The following PDIA4 variants were observed in gnomAD, a reference collection of about 807,000 sequenced individuals.
PDIA4 encodes the protein protein disulfide-isomerase A4.
Under a neutral mutation model 62.1 loss-of-function variants are expected in PDIA4, and 33 were observed. The observed-to-expected ratio is 0.53, with a 90% CI of 0.40 to 0.71. PDIA4 has a LOEUF of 0.71. PDIA4 is among the 30% of genes least tolerant of loss of function. PDIA4 has a pLI of 0.00. For synonymous variants in PDIA4, 341 were observed against 324.1 expected, an observed-to-expected ratio of 1.05 and a Z score of -0.56; for missense variants, 804 against 813.6, an observed-to-expected ratio of 0.99 and a Z score of 0.14.
At chr7:149,005,858 C>T (rs184347078) in intron 8 of PDIA4, 39 bp downstream of exon 8, 21 of 1,440,264 alleles carry the variant, frequency 1.5e-5, no homozygotes, top group Non-Finnish European at 1.8e-5. Flanking sequence ...CGAGTCCCCC[C>T]ACCCCCCACC....
intron 1 of PDIA4, among the ~76,000 whole-genome samples, chr7:149,021,779 A>C (rs1824362547): frequency 6.6e-6 from 1 of 152,164 alleles, no homozygotes; most frequent in Admixed American, 6.5e-5. Flanking sequence ...CTTGCTCTGC[A>C]AACCCTGCCC....
At chr7:149,009,055 C>CA (rs1363514954) in intron 6 of PDIA4, among the ~76,000 whole-genome samples, 1 of 152,184 alleles carries the variant, frequency 6.6e-6, no homozygotes, top group East Asian at 1.9e-4. Context: ...CTCAGCCTCC[C>CA]AAGTAGCTGG....
chr7:149,012,133 G>C, intron 5 of PDIA4, 22 bp downstream of exon 5: 1 of 1,613,110 alleles, frequency 6.2e-7, no homozygotes, highest in South Asian at 1.1e-5. Context: ...CACTGTAGTG[G>C]GAGAGAAGGG....
rs2129504184 is a variant in PDIA4 at position 149,008,407 on chromosome 7, A to G, written c.980-97T>C. The G allele has an allele frequency of 2.0e-5, 26 of 1,323,066 alleles. 1 individual carries two copies. In the South Asian group the frequency reaches 3.4e-4, roughly 18 times the overall value. The allele number at this position is 1,323,066 out of a possible 1,614,324, so 82.0% of individuals were successfully genotyped here. ...ATCAGCCAAAGCAAATGTTCTGAAA[A>G]TGACCACTGTAGGCTGGGCGCGGTG... On this transcript the variant is annotated intron_variant, in intron 6 of 9. Transcript: ENST00000652332.
rs1391505026 is a variant in PDIA4, at chr7:149,012,322, T to C, written c.653A>G (p.Lys218Arg). 5 of 1,613,848 alleles carry C rather than the reference T, an allele frequency of 3.1e-6. No individual in the cohort carries two copies. Among genetic ancestry groups the C allele is most frequent in the Non-Finnish European group, 4.2e-6 (5 of 1,180,026 alleles). The change falls in exon 5 of 10, where the codon AAG becomes AGG. Residue 218 changes from lysine to arginine, a missense_variant. Physicochemically the swap from Lys to Arg is conservative, Grantham distance 26. Coordinates refer to ENST00000652332, the MANE Select transcript of PDIA4 (RefSeq NM_004911.5). ...ACGCTTGCTGAGCTCCTTGGCGGCC[T>C]TCTCATACTCGGGGGCAAGTTTCTT... Reference protein sequence around the residue: ...HCKKLAPEYEKAAKELSKRSP... With the variant: ...HCKKLAPEYERAAKELSKRSP...
chr7:149,021,677 A>G (rs1027867016), intron 1 of PDIA4, among the ~76,000 whole-genome samples: 4 of 151,896 alleles, frequency 2.6e-5, no homozygotes, highest in Non-Finnish European at 4.4e-5. Context: ...ATATTTGAAA[A>G]CCACAGCTCT....
chr7:149,005,087 C>T lies in PDIA4; in HGVS notation c.1522+54G>A, dbSNP rs546283423. ...AGACGCCCCTGGCCTGTCTGGATTC[C>T]GCACGAGGAGCACAGCAGCTGATGG... On this transcript the variant is annotated intron_variant, in intron 9 of 9. Transcript: ENST00000652332. 2,569 of 1,429,302 alleles carry T rather than the reference C, an allele frequency of 1.8e-3. 4 individuals are homozygous for T. Among genetic ancestry groups the T allele is most frequent in the Non-Finnish European group, 2.3e-3 (2,300 of 1,013,790 alleles). The allele number at this position is 1,429,302 out of a possible 1,614,324, so 88.5% of individuals were successfully genotyped here.
chr7:149,005,513 A>G (rs1823723749), intron 8 of PDIA4, 139 bp from the exon 9 acceptor site: 1 of 640,878 alleles, frequency 1.6e-6, no homozygotes, highest in Non-Finnish European at 2.7e-6. Flanking sequence ...GGAGGGAAAC[A>G]TGTTTCTGGA....
At chr7:149,005,422 C>T in intron 8 of PDIA4, 48 bp from the exon 9 acceptor site, 3 of 1,234,886 alleles carry the variant, frequency 2.4e-6, no homozygotes, top group Non-Finnish European at 3.6e-6. Flanking sequence ...CAGAGCAAGT[C>T]CCAGCTCAGA....
chr7:149,020,890 C>A, intron 2 of PDIA4, 77 bp downstream of exon 2: 1 of 1,541,466 alleles, frequency 6.5e-7, no homozygotes, highest in Non-Finnish European at 8.8e-7. Context: ...CCCCCAAGGT[C>A]TGGATGACCG....
chr7:149,025,193 T>C (rs1292789557), intron 1 of PDIA4, among the ~76,000 whole-genome samples: 3 of 151,826 alleles, frequency 2.0e-5, no homozygotes, highest in African/African-American at 4.8e-5. Flanking sequence ...CATCTCCACA[T>C]TGCTCAGCCC....
intron 6 of PDIA4, among the ~76,000 whole-genome samples, chr7:149,010,920 A>C (rs1043914766): frequency 1.3e-5 from 2 of 152,194 alleles, no homozygotes; most frequent in Non-Finnish European, 2.9e-5. Flanking sequence ...GGGCTACGGA[A>C]TCCCCTGCTG....
Position 149,028,424 on chromosome 7 carries a change from G to A in PDIA4, c.-16C>T, listed in dbSNP as rs1824637454. 4.7e-6 allele frequency: 7 copies of A among 1,475,384 alleles called. No homozygotes were observed. The highest frequency in any genetic ancestry group is 6.3e-6 in the Non-Finnish European group (7 of 1,110,952). 91.4% of individuals were successfully genotyped at this position (1,475,384 alleles called of 1,614,324 possible). ...GGGGCCTCATGGTAGCGGGGGCGGA[G>A]CGCGGCCTCCTAGCGTCGGCGGCCG... On this transcript the variant is annotated 5_prime_UTR_variant, in exon 1 of 10. Coordinates refer to ENST00000652332, the MANE Select transcript of PDIA4 (RefSeq NM_004911.5).
Position 149,028,051 on chromosome 7 carries a change from C to T in PDIA4, c.88+270G>A, listed in dbSNP as rs192635042. ...AAGGCGCTCTGCAGCCCTCTCCCAGCCTCGGGTGACAGGGGTCTTCCAGGG... is the reference window on the plus strand; with the variant it reads ...AAGGCGCTCTGCAGCCCTCTCCCAGTCTCGGGTGACAGGGGTCTTCCAGGG... On this transcript the variant is annotated intron_variant, in intron 1 of 9. Coordinates refer to ENST00000652332, the MANE Select transcript of PDIA4 (RefSeq NM_004911.5). The T allele has an allele frequency of 6.4e-4, 407 of 636,152 alleles. No individual in the cohort carries two copies. The African/African-American group carries it at 6.8e-3, about 11-fold the overall frequency. 39.4% of individuals were successfully genotyped at this position (636,152 alleles called of 1,614,324 possible).
chr7:149,012,513 G>C (rs1464392494), intron 4 of PDIA4, among the ~76,000 whole-genome samples, 153 bp from the exon 5 acceptor site: 1 of 152,154 alleles, frequency 6.6e-6, no homozygotes, highest in African/African-American at 2.4e-5. Context: ...GCCCTCAGGT[G>C]CTGTTGAGGG....
chr7:149,027,357 G>C (rs1824593616), intron 1 of PDIA4, among the ~76,000 whole-genome samples: 2 of 152,108 alleles, frequency 1.3e-5, no homozygotes, highest in Admixed American at 6.5e-5. Context: ...GACTCTTTTT[G>C]AATCAGTGAC....
At chr7:149,019,723 A>C (rs1211774598) in intron 2 of PDIA4, among the ~76,000 whole-genome samples, 2 of 152,170 alleles carry the variant, frequency 1.3e-5, no homozygotes, top group Non-Finnish European at 2.9e-5. Flanking sequence ...AGGCACAAGA[A>C]TTGCTTGAAC....
At chr7:149,026,055 G>C (rs1250779309) in intron 1 of PDIA4, among the ~76,000 whole-genome samples, 2 of 151,636 alleles carry the variant, frequency 1.3e-5, no homozygotes, top group Non-Finnish European at 2.9e-5. Context: ...AGACACCACT[G>C]TGCTGTCTAA....
chr7:149,017,257 T>C (rs1368645845), intron 3 of PDIA4, among the ~76,000 whole-genome samples: 1 of 152,006 alleles, frequency 6.6e-6, no homozygotes, highest in Non-Finnish European at 1.5e-5. Context: ...TGCTAAAGGA[T>C]ACCATGTTCA....
Sources: gnomAD v4.1 joint callset for allele counts (sites outside exome capture counted in the v4.1 genomes callset) on GRCh38, gnomAD v4.1.1 for gene constraint, MANE v1.5 for transcripts, NCBI Gene and HGNC (gene_info 2026-07-23, HGNC 2026-07-21) for gene names.